Variants in GABRG3 observed in about 807,000 individuals in gnomAD.
The protein encoded by GABRG3 is gamma-aminobutyric acid type A receptor subunit gamma3.
GABRG3 carries 25 observed loss-of-function variants against 48.8 expected under a neutral mutation model. That is an observed-to-expected ratio of 0.51 (90% CI 0.37 to 0.72). GABRG3 has a LOEUF of 0.72. Ranked by LOEUF, GABRG3 falls within the 30% of genes least tolerant of loss-of-function variation. The pLI, the probability that GABRG3 is intolerant of heterozygous loss-of-function variation, is 0.00. For synonymous variants in GABRG3, 227 were observed against 217.6 expected (o/e 1.04, Z -0.38); for missense variants, 394 against 577.9 (o/e 0.68, Z 3.26).
intron 3 of GABRG3, among the ~76,000 whole-genome samples, chr15:27,307,006 G>GTTTATATATAAACATA (rs1566769768): frequency 0.27 from 21,074 of 78,700 alleles, 7,651 homozygotes; most frequent in South Asian, 0.46. Context: ...ATATAAACAT[G>GTTTATATATAAACATA]TATAAACATG....
chr15:27,324,633 G>A (rs1566786059), intron 3 of GABRG3, among the ~76,000 whole-genome samples: 1 of 152,194 alleles, frequency 6.6e-6, no homozygotes, highest in Non-Finnish European at 1.5e-5. Flanking sequence ...TCAATCTCAA[G>A]TAGTCATTTT....
Position 26,974,796 on chromosome 15 carries a change from A to G in GABRG3, c.54-2206A>G, listed in dbSNP as rs1217230385. Among the ~76,000 whole-genome samples the G allele has an allele frequency of 6.6e-6, 1 of 151,684 alleles. No individual in the cohort carries two copies. The highest frequency in any genetic ancestry group is 1.5e-5 in the Non-Finnish European group (1 of 67,956). On this transcript the variant is annotated intron_variant, in intron 1 of 9. Transcript: ENST00000615808. This position sits in a 1 kb window ranked among gnomAD's most constrained non-coding sequence, Gnocchi z 4.3. ...TAAAAAATTTTTGCAAGATGATAAA[A>G]TTAACATTTCTGATAATATTTCAGA...
intron 5 of GABRG3, chr15:27,363,097 C>G (rs1413179641): frequency 6.6e-6 from 1 of 152,164 alleles, no homozygotes; most frequent in African/African-American, 2.4e-5. Context: ...TTCTGGCCCC[C>G]AAAAGAGGCT....
chr15:27,358,655 T>C (rs1894921418), intron 5 of GABRG3, among the ~76,000 whole-genome samples: 1 of 151,800 alleles, frequency 6.6e-6, no homozygotes, highest in African/African-American at 2.4e-5. Flanking sequence ...GAGCACATGA[T>C]ATGTGATAAA....
chr15:27,019,446 G>A (rs563519137), intron 2 of GABRG3, among the ~76,000 whole-genome samples: 6 of 152,264 alleles, frequency 3.9e-5, no homozygotes, highest in African/African-American at 1.4e-4. Flanking sequence ...CTCTGCTTTG[G>A]TGAAGCTGCA....
At chr15:27,121,446 G>A (rs1897730204) in intron 3 of GABRG3, among the ~76,000 whole-genome samples, 1 of 152,132 alleles carries the variant, frequency 6.6e-6, no homozygotes, top group African/African-American at 2.4e-5. Context: ...ATTTCCCTTT[G>A]AGCAGATGGC....
intron 5 of GABRG3, among the ~76,000 whole-genome samples, chr15:27,351,097 G>T (rs1015722137): frequency 2.7e-5 from 4 of 147,642 alleles, no homozygotes; most frequent in African/African-American, 1.0e-4. Context: ...TGTGTGTATG[G>T]TGTGTGTGTA....
chr15:27,057,829 C>T (rs1016098915), intron 3 of GABRG3, among the ~76,000 whole-genome samples: 1 of 152,164 alleles, frequency 6.6e-6, no homozygotes, highest in Non-Finnish European at 1.5e-5. Context: ...TCAAAGAAGT[C>T]CCACTGATGA....
intron 5 of GABRG3, among the ~76,000 whole-genome samples, chr15:27,471,125 G>T (rs1391745743): frequency 6.6e-6 from 1 of 152,074 alleles, no homozygotes; most frequent in African/African-American, 2.4e-5. Context: ...AGAGGCCAGA[G>T]TTTTTTAAAG....
chr15:27,491,384 C>A (rs1243862145), intron 6 of GABRG3, among the ~76,000 whole-genome samples: 2 of 152,200 alleles, frequency 1.3e-5, no homozygotes. Context: ...AGACAGGCAG[C>A]CCAGTCCAGT....
At chr15:27,124,335 C>G (rs897852166) in intron 3 of GABRG3, among the ~76,000 whole-genome samples, 5 of 152,132 alleles carry the variant, frequency 3.3e-5, no homozygotes, top group African/African-American at 1.2e-4. Context: ...TTCAGGGCAG[C>G]CCTGTGAGGT....
At chr15:27,248,534 G>A (rs1369989127) in intron 3 of GABRG3, among the ~76,000 whole-genome samples, 1 of 152,124 alleles carries the variant, frequency 6.6e-6, no homozygotes, top group Non-Finnish European at 1.5e-5. Context: ...CCAGGACACA[G>A]CACACGCATC....
intron 5 of GABRG3, chr15:27,364,816 C>G (rs1419915875): frequency 6.6e-6 from 1 of 152,194 alleles, no homozygotes; most frequent in Admixed American, 6.5e-5. Flanking sequence ...AGTAATGCAA[C>G]TAGCGCAAAG....
chr15:27,019,317 G>A (rs1257238102), intron 2 of GABRG3, among the ~76,000 whole-genome samples: 1 of 151,806 alleles, frequency 6.6e-6, no homozygotes, highest in East Asian at 1.9e-4. Context: ...TGATCCCCCC[G>A]CCTTGGCCTC....
intron 5 of GABRG3, among the ~76,000 whole-genome samples, chr15:27,429,838 G>T (rs554188413): frequency 6.6e-6 from 1 of 152,292 alleles, no homozygotes; most frequent in East Asian, 1.9e-4. Flanking sequence ...TGGACATTTG[G>T]ATTGTTTTTA....
At chr15:27,431,570 G>T (rs1461216825) in intron 5 of GABRG3, among the ~76,000 whole-genome samples, 2 of 152,128 alleles carry the variant, frequency 1.3e-5, no homozygotes, top group African/African-American at 4.8e-5. Flanking sequence ...TTGAATAAAA[G>T]TGTTGAGAGC....
intron 6 of GABRG3, among the ~76,000 whole-genome samples, chr15:27,494,358 A>G (rs1461493682): frequency 6.6e-6 from 1 of 152,112 alleles, no homozygotes; most frequent in Non-Finnish European, 1.5e-5. Flanking sequence ...CTGGCCTCAT[A>G]AAATGAAGAG....
intron 3 of GABRG3, among the ~76,000 whole-genome samples, chr15:27,129,513 A>G (rs1264588529): frequency 1.3e-5 from 2 of 152,162 alleles, no homozygotes; most frequent in Admixed American, 6.5e-5. Flanking sequence ...TGTGTACACA[A>G]ATATCTGCCT....
intron 2 of GABRG3, among the ~76,000 whole-genome samples, chr15:26,981,347 C>T (rs72715913): frequency 0.019 from 2,865 of 152,274 alleles, 50 homozygotes; most frequent in Non-Finnish European, 0.028. Context: ...TAGCCTGATT[C>T]CACTATGATC....
Sources: allele counts gnomAD v4.1 joint callset (sites outside exome capture counted in the v4.1 genomes callset), GRCh38; gene constraint gnomAD v4.1.1; non-coding constraint Gnocchi (gnomAD v3.1); transcripts MANE v1.5; gene names NCBI Gene and HGNC (gene_info 2026-07-23, HGNC 2026-07-21).